SNTG1: variants seen among roughly 807,000 people sequenced by gnomAD.
The protein encoded by SNTG1 is gamma-1-syntrophin.
In SNTG1, 39 loss-of-function variants were observed where a neutral mutation model predicts 74.7. That is an observed-to-expected ratio of 0.52 (90% CI 0.40 to 0.68). The LOEUF is 0.68. SNTG1 is among the 30% of genes least tolerant of loss of function. SNTG1 has a pLI of 0.00. For synonymous variants in SNTG1, 254 were observed against 217.1 expected (o/e 1.17, Z -1.49); for missense variants, 685 against 609.5 (o/e 1.12, Z -1.30).
intron 1 of SNTG1, among the ~76,000 whole-genome samples, chr8:49,917,152 C>G (rs1806119073): frequency 6.6e-6 from 1 of 152,088 alleles, no homozygotes; most frequent in Non-Finnish European, 1.5e-5. Flanking sequence ...ATCCAGTACA[C>G]ACAAAATCTG....
chr8:50,582,613 A>G (rs1233761295), intron 12 of SNTG1, among the ~76,000 whole-genome samples: 3 of 152,010 alleles, frequency 2.0e-5, no homozygotes, highest in African/African-American at 2.4e-5. Context: ...AGGTACTGCA[A>G]TTTTTCTTTT....
chr8:50,670,440 C>A (rs200163426), intron 15 of SNTG1, among the ~76,000 whole-genome samples: 35 of 149,500 alleles, frequency 2.3e-4, no homozygotes, highest in Non-Finnish European at 4.3e-4. Context: ...CTCCCATTCA[C>A]AATTGCTTCA....
intron 1 of SNTG1, among the ~76,000 whole-genome samples, chr8:50,109,577 T>A (rs1180129173): frequency 2.0e-5 from 3 of 152,170 alleles, no homozygotes; most frequent in Non-Finnish European, 4.4e-5. Flanking sequence ...GTTCTCAAAC[T>A]TAATGAATAG....
intron 2 of SNTG1, among the ~76,000 whole-genome samples, chr8:50,210,451 G>A (rs1047446438): frequency 1.2e-4 from 18 of 152,128 alleles, no homozygotes; most frequent in Admixed American, 7.9e-4. Context: ...TTGAAATGAC[G>A]GAAAAAATGT....
At chr8:50,105,005 G>A (rs1307541013) in intron 1 of SNTG1, among the ~76,000 whole-genome samples, 1 of 152,060 alleles carries the variant, frequency 6.6e-6, no homozygotes, top group African/African-American at 2.4e-5. Context: ...TTACTCTGTT[G>A]ATGGTTTCTT....
At chr8:50,374,529 GT>G (rs2092336456) in intron 2 of SNTG1, among the ~76,000 whole-genome samples, 1 of 152,104 alleles carries the variant, frequency 6.6e-6, no homozygotes, top group Non-Finnish European at 1.5e-5. Context: ...TGTCCTTTCT[GT>G]TTTCAGCCTC....
intron 4 of SNTG1, among the ~76,000 whole-genome samples, chr8:50,430,283 G>A (rs1438203531): frequency 1.3e-5 from 2 of 152,106 alleles, no homozygotes; most frequent in Non-Finnish European, 2.9e-5. Flanking sequence ...TAAAAACTGT[G>A]TATATTCACA....
At chr8:49,923,724 T>A (rs1473284479) in intron 1 of SNTG1, among the ~76,000 whole-genome samples, 1 of 151,974 alleles carries the variant, frequency 6.6e-6, no homozygotes, top group Non-Finnish European at 1.5e-5. Context: ...AGGCTTGGCA[T>A]CTGATGAGTT....
intron 17 of SNTG1, among the ~76,000 whole-genome samples, chr8:50,734,798 C>CAT (rs1199868909): frequency 1.2e-5 from 1 of 85,716 alleles, no homozygotes; most frequent in Non-Finnish European, 2.2e-5. Context: ...TATATATGGA[C>CAT]ATATATATAG....
At chr8:50,594,928 A>G (rs2094716538) in intron 13 of SNTG1, among the ~76,000 whole-genome samples, 1 of 151,812 alleles carries the variant, frequency 6.6e-6, no homozygotes, top group Non-Finnish European at 1.5e-5. Flanking sequence ...TTCTCTGGCA[A>G]TATGTTGGCT....
At chr8:50,681,208 T>C (rs953828757) in intron 15 of SNTG1, among the ~76,000 whole-genome samples, 3 of 152,174 alleles carry the variant, frequency 2.0e-5, no homozygotes, top group African/African-American at 7.2e-5. Flanking sequence ...TTACATAAGA[T>C]TGGAATTATG....
At chr8:50,622,023 C>G (rs1317366756) in intron 13 of SNTG1, among the ~76,000 whole-genome samples, 3 of 152,172 alleles carry the variant, frequency 2.0e-5, no homozygotes, top group African/African-American at 7.2e-5. Flanking sequence ...TGCTCACCCT[C>G]TATGCCAGCA....
At chr8:50,454,918 G>A (rs1220874527) in intron 8 of SNTG1, among the ~76,000 whole-genome samples, 1 of 149,380 alleles carries the variant, frequency 6.7e-6, no homozygotes, top group African/African-American at 2.4e-5. Flanking sequence ...TGAGTACTTT[G>A]TGTGATAAGA....
chr8:50,256,812 G>T (rs1326092689), intron 2 of SNTG1, among the ~76,000 whole-genome samples: 1 of 152,036 alleles, frequency 6.6e-6, no homozygotes, highest in Non-Finnish European at 1.5e-5. Context: ...GTCTGTGTGT[G>T]TGTAGTTTCT....
chr8:50,463,079 T>G (rs971945543), intron 8 of SNTG1, among the ~76,000 whole-genome samples: 51 of 152,284 alleles, frequency 3.3e-4, no homozygotes, highest in African/African-American at 1.2e-3. Context: ...CTTCCCAAAG[T>G]GCTGGGATTA....
intron 1 of SNTG1, among the ~76,000 whole-genome samples, chr8:50,142,368 A>AAAGTGAGGAAG (rs1366392039): frequency 2.8e-4 from 43 of 152,144 alleles, no homozygotes; most frequent in Non-Finnish European, 5.3e-4. Flanking sequence ...TAAACAAAGA[A>AAAGTGAGGAAG]AAGTGAGGAA....
chr8:50,319,338 T>TG (rs1437419655), intron 2 of SNTG1, among the ~76,000 whole-genome samples: 3 of 151,602 alleles, frequency 2.0e-5, no homozygotes, highest in Non-Finnish European at 4.4e-5. Flanking sequence ...CACTCCAGCC[T>TG]GGGGGACAAA....
intron 2 of SNTG1, among the ~76,000 whole-genome samples, chr8:50,370,739 GA>G (rs2092248276): frequency 6.6e-6 from 1 of 152,032 alleles, no homozygotes; most frequent in African/African-American, 2.4e-5. Context: ...CCAAGTCCCA[GA>G]AGTCCCCTGA....
chr8:50,231,730 A>G (rs1408783213), intron 2 of SNTG1, among the ~76,000 whole-genome samples: 1 of 151,330 alleles, frequency 6.6e-6, no homozygotes, highest in Non-Finnish European at 1.5e-5. Context: ...GGAGAATGGG[A>G]AGATGATAAT....
Sources: gnomAD v4.1 joint callset for allele counts (sites outside exome capture counted in the v4.1 genomes callset) on GRCh38, gnomAD v4.1.1 for gene constraint, MANE v1.5 for transcripts, NCBI Gene and HGNC (gene_info 2026-07-23, HGNC 2026-07-21) for gene names.